Variants in ZNF846 observed in about 807,000 individuals in gnomAD.
ZNF846 encodes the protein zinc finger protein 420 pseudogene.
ZNF846 carries 15 observed loss-of-function variants against 16.0 expected under a neutral mutation model. The observed-to-expected ratio is 0.94, with a 90% CI of 0.63 to 1.45. The LOEUF is 1.45. Among genes scored for constraint, ZNF846 ranks in the 40% most tolerant of loss-of-function variants. The probability of loss-of-function intolerance (pLI) is 0.00; values close to 1 mark genes in which losing one functional copy is unlikely to be tolerated. For synonymous variants in ZNF846, 229 were observed against 212.0 expected (o/e 1.08, Z -0.70); for missense variants, 714 against 622.3 (o/e 1.15, Z -1.57).
exon 6 of ZNF846, chr19:9,757,513 C>G (rs1386688078): frequency 1.9e-6 from 3 of 1,605,866 alleles, no homozygotes; most frequent in African/African-American, 2.7e-5. Flanking sequence ...AGATGTTTAG[C>G]AAGTGCTGAA....
exon 6 of ZNF846, chr19:9,757,899 G>A: frequency 6.2e-7 from 1 of 1,613,456 alleles, no homozygotes; most frequent in South Asian, 1.1e-5. Flanking sequence ...ACATTCATAG[G>A]GCTTTTCTCC....
chr19:9,762,177 A>G lies in ZNF846; in HGVS notation c.143-9T>C, dbSNP rs761453255. 6 of 1,607,634 alleles carry G rather than the reference A, an allele frequency of 3.7e-6. No homozygotes were observed. Among genetic ancestry groups the G allele is most frequent in the East Asian group, 2.2e-5 (1 of 44,792 alleles). On this transcript the variant is annotated splice_polypyrimidine_tract_variant and intron_variant, in intron 3 of 5. Transcript: ENST00000397902. Reference sequence around the variant, plus strand: ...GAATAATTCAGACCCTGCTGGAGGGAAAAATGCACAAAAGAAGAGGCCCAT... The same window carrying G: ...GAATAATTCAGACCCTGCTGGAGGGGAAAATGCACAAAAGAAGAGGCCCAT...
upstream of ZNF846, among the ~76,000 whole-genome samples, chr19:9,771,861 G>T (rs1248171093): frequency 1.3e-5 from 2 of 151,908 alleles, no homozygotes; most frequent in Admixed American, 6.6e-5. Flanking sequence ...TCCGCCTCCT[G>T]GGTTCAAATG....
intron 2 of ZNF846, 178 bp downstream of exon 2, chr19:9,764,758 C>T: frequency 2.9e-6 from 2 of 695,838 alleles, no homozygotes; most frequent in Non-Finnish European, 5.0e-6. Context: ...CAATACACTT[C>T]CATTGCAATC....
At position 9,780,048 on chromosome 19, in the gene ZNF846, G is replaced by GTTTTTTTTTT. The variant is rs558280116; in HGVS notation, c.-86+5880_-86+5889dup. On this transcript the variant is annotated intron_variant, in intron 1 of 4. Transcript: ENST00000586814. ...CATGCCACCATGCCCAGCTAATTTT[G>GTTTTTTTTTT]TTTTTTTTTTTGTTTTTTTTTTTGT... 8.8e-5 allele frequency among the ~76,000 whole-genome samples: 11 copies of GTTTTTTTTTT among 124,306 alleles called. 1 individual carries two copies. The highest frequency in any genetic ancestry group is 2.4e-4 in the African/African-American group (7 of 29,430). 81.5% of individuals were successfully genotyped at this position (124,306 alleles called of 152,430 possible).
At chr19:9,759,834 A>C (rs1160715324) in intron 5 of ZNF846, 26 bp downstream of exon 5, 1 of 1,566,578 alleles carries the variant, frequency 6.4e-7, no homozygotes, top group Non-Finnish European at 8.7e-7. Context: ...CCTAGTGTGG[A>C]AGATTTCATC....
chr19:9,764,764 C>G, intron 2 of ZNF846, 172 bp downstream of exon 2: 2 of 725,350 alleles, frequency 2.8e-6, no homozygotes, highest in Non-Finnish European at 2.4e-6. Context: ...ACTTCCATTG[C>G]AATCTCTGTA....
chr19:9,751,630 G>T (rs534776732), downstream of ZNF846, among the ~76,000 whole-genome samples: 17 of 147,826 alleles, frequency 1.2e-4, no homozygotes, highest in South Asian at 3.5e-3. Context: ...TACACCCTCC[G>T]CGCCCTTGTG....
exon 6 of ZNF846, chr19:9,758,261 G>A (rs1456522316): frequency 1.9e-6 from 3 of 1,613,196 alleles, no homozygotes; most frequent in Non-Finnish European, 2.5e-6. Context: ...GAGTTCTGAT[G>A]TGTAATTTAA....
At chr19:9,756,339 GTGTGTGTATATATATATATATATATA>G (rs1331459707), downstream of ZNF846, 2 of 63,382 alleles carry the variant, frequency 3.2e-5, no homozygotes, top group African/African-American at 1.8e-4. Flanking sequence ...GTGTGTGTGT[GTGTGTGTATATATATATATATATATA>G]TATATATATA....
chr19:9,753,375 C>T (rs1320361794), downstream of ZNF846, among the ~76,000 whole-genome samples: 1 of 150,864 alleles, frequency 6.6e-6, no homozygotes, highest in Non-Finnish European at 1.5e-5. Flanking sequence ...CCTCAGCCTC[C>T]TGGATAACTG....
chr19:9,758,043 T>C (rs772529350), exon 6 of ZNF846: 9 of 1,613,504 alleles, frequency 5.6e-6, no homozygotes, highest in Non-Finnish European at 7.6e-6. Context: ...AATAAAAGCT[T>C]TTCCACACTC....
At chr19:9,762,371 C>T in intron 3 of ZNF846, 1 of 486,032 alleles carries the variant, frequency 2.1e-6, no homozygotes. Context: ...GGTATAATGG[C>T]TCATGCCTCA....
intron 1 of ZNF846, chr19:9,774,924 T>A: frequency 6.2e-7 from 1 of 1,609,472 alleles, no homozygotes; most frequent in Admixed American, 1.7e-5. Flanking sequence ...GCTGAAGAGT[T>A]TACAAAGAAA....
intron 1 of ZNF846, chr19:9,775,085 TACTA>T (rs2045425382): frequency 2.4e-6 from 2 of 820,226 alleles, no homozygotes; most frequent in South Asian, 3.4e-5. Flanking sequence ...TTGTGGCAGT[TACTA>T]ACTTTCTACA....
intron 1 of ZNF846, among the ~76,000 whole-genome samples, chr19:9,777,721 G>T (rs146584854): frequency 3.0e-4 from 46 of 152,134 alleles, no homozygotes; most frequent in African/African-American, 1.1e-3. Flanking sequence ...TTGGGGCCAG[G>T]TGCGATGGTT....
chr19:9,758,566 T>TA lies in ZNF846; in HGVS notation c.510dup (p.Lys171Ter). 1 of 1,612,850 alleles carries TA rather than the reference T, an allele frequency of 6.2e-7. No individual in the cohort carries two copies. The highest frequency in any genetic ancestry group is 1.7e-5 in the Admixed American group (1 of 59,918). On this transcript the variant is annotated frameshift_variant, in exon 6 of 6. Coordinates refer to ENST00000397902, the Ensembl canonical transcript of ZNF846. LOFTEE classifies it low-confidence loss of function (END_TRUNC). ...AAGGCTTTTTCATGTTTAACACACT[T>TA]AGGCATTTTCCCCTCAGCATGACTT...
exon 6 of ZNF846, chr19:9,758,215 C>T: frequency 1.9e-6 from 3 of 1,613,190 alleles, no homozygotes; most frequent in Non-Finnish European, 2.5e-6. Flanking sequence ...AAGGCTTTCC[C>T]ACACTCTTTA....
At chr19:9,785,673 T>C (rs994841476) in intron 1 of ZNF846, among the ~76,000 whole-genome samples, 3 of 14,468 alleles carry the variant, frequency 2.1e-4, no homozygotes, top group Non-Finnish European at 3.6e-4. Context: ...CCGCCCCATC[T>C]CCCCCTCACC....
Sources: allele counts gnomAD v4.1 joint callset (sites outside exome capture counted in the v4.1 genomes callset), GRCh38; gene constraint gnomAD v4.1.1; transcripts MANE v1.5; gene names NCBI Gene and HGNC (gene_info 2026-07-23, HGNC 2026-07-21).